Variants in SLC6A6 observed in about 807,000 individuals in gnomAD.
SLC6A6 encodes the protein solute carrier family 6 member 6.
SLC6A6 carries 16 observed loss-of-function variants against 68.8 expected under a neutral mutation model. The observed-to-expected ratio is 0.23, with a 90% CI of 0.16 to 0.35. SLC6A6 has a LOEUF of 0.35. SLC6A6 is among the 10% of genes least tolerant of loss of function. SLC6A6 has a pLI of 1.00. For missense variants in SLC6A6, 474 were observed against 802.8 expected, an observed-to-expected ratio of 0.59 and a Z score of 4.95; for synonymous variants, 312 against 315.4, an observed-to-expected ratio of 0.99 and a Z score of 0.12.
intron 1 of SLC6A6, among the ~76,000 whole-genome samples, chr3:14,408,449 C>T (rs1699159225): frequency 1.3e-5 from 2 of 151,982 alleles, no homozygotes. Context: ...ATTCTCCTGC[C>T]TCAGCCTTCT....
chr3:14,434,250 G>T (rs1303437214), intron 2 of SLC6A6, among the ~76,000 whole-genome samples: 1 of 152,168 alleles, frequency 6.6e-6, no homozygotes, highest in Non-Finnish European at 1.5e-5. Flanking sequence ...TCCATCATCC[G>T]GGCTGGTGAG....
Position 14,472,206 on chromosome 3 carries a change from TCCTGG to T in SLC6A6, c.1107_1111del (p.Ala370HisfsTer31). 6.2e-7 allele frequency: 1 copy of T among 1,603,164 alleles called. No homozygotes were observed. The highest frequency in any genetic ancestry group is 8.5e-7 in the Non-Finnish European group (1 of 1,170,060). On this transcript the variant is annotated frameshift_variant and splice_region_variant, in exon 10 of 15. Transcript: ENST00000622186. LOFTEE classifies it high-confidence loss of function. This position sits in a 1 kb window ranked among gnomAD's most constrained non-coding sequence, Gnocchi z 4.5. ...CTCCCCGTTTTCTTTCCTTTCTAGGTCCTGGCCTGGCCTTCATTGCCTACCCAAAA... is the reference window on the plus strand; with the variant it reads ...CTCCCCGTTTTCTTTCCTTTCTAGGTCCTGGCCTTCATTGCCTACCCAAAA...
intron 2 of SLC6A6, among the ~76,000 whole-genome samples, chr3:14,442,159 C>T (rs1235604788): frequency 2.6e-5 from 4 of 152,286 alleles, no homozygotes; most frequent in South Asian, 4.1e-4. Flanking sequence ...AGTCAGCAAT[C>T]GCCATGAGGA....
In SLC6A6 at chr3:14,481,590, T is replaced by C; in HGVS notation, c.1552-81T>C. 1 of 925,908 alleles carries C rather than the reference T, an allele frequency of 1.1e-6. No individual in the cohort carries two copies. The allele number at this position is 925,908 out of a possible 1,614,324, so 57.4% of individuals were successfully genotyped here. A position where few individuals can be genotyped will look rare whatever the true frequency, so the allele number is the denominator to read the frequency against. ...CAAGGAGAGAGACCCTTCCCTCAGG[T>C]TGAGGCCAGTCCTAGTCCCAGAAGC... On this transcript the variant is annotated intron_variant, in intron 13 of 14. Transcript: ENST00000622186. The surrounding 1 kb of genome is among the most constrained non-coding windows in gnomAD (Gnocchi z 4.7).
chr3:14,425,900 G>C (rs1316294517), intron 2 of SLC6A6, among the ~76,000 whole-genome samples: 2 of 152,174 alleles, frequency 1.3e-5, no homozygotes, highest in Non-Finnish European at 2.9e-5. Context: ...GGGGTCAGTA[G>C]TTAGTAATCA....
At chr3:14,430,661 G>A (rs1329834307) in intron 2 of SLC6A6, among the ~76,000 whole-genome samples, 1 of 152,208 alleles carries the variant, frequency 6.6e-6, no homozygotes, top group Non-Finnish European at 1.5e-5. Context: ...ACCAACAGTT[G>A]CCAACCTGAC....
intron 1 of SLC6A6, among the ~76,000 whole-genome samples, chr3:14,414,093 G>T (rs1386266986): frequency 6.6e-6 from 1 of 152,166 alleles, no homozygotes; most frequent in African/African-American, 2.4e-5. Flanking sequence ...CTGAGTCCAG[G>T]TGCTGAAAGA....
Position 14,485,316 on chromosome 3 carries a change from A to ATT in SLC6A6, c.*319_*320dup. 4 of 197,110 alleles carry ATT rather than the reference A, an allele frequency of 2.0e-5. No individual in the cohort carries two copies. Among genetic ancestry groups the ATT allele is most frequent in the Non-Finnish European group, 3.0e-5 (3 of 98,812 alleles). The allele number at this position is 197,110 out of a possible 1,614,324, so 12.2% of individuals were successfully genotyped here. ...GGGAATTTGGTAAATTTTTCTTTGTATTTTTTTTTTTACATATAAGTATAT... is the reference window on the plus strand; with the variant it reads ...GGGAATTTGGTAAATTTTTCTTTGTATTTTTTTTTTTTTACATATAAGTATAT... On this transcript the variant is annotated 3_prime_UTR_variant, in exon 15 of 15. Coordinates refer to ENST00000622186, the MANE Select transcript of SLC6A6 (RefSeq NM_003043.6).
intron 2 of SLC6A6, among the ~76,000 whole-genome samples, chr3:14,440,616 CA>C (rs1414216268): frequency 2.1e-4 from 32 of 152,226 alleles, no homozygotes; most frequent in Admixed American, 1.8e-3. Context: ...GAGAATAGAT[CA>C]GGGGCGGGCA....
intron 1 of SLC6A6, among the ~76,000 whole-genome samples, chr3:14,403,765 C>T (rs1197017078): frequency 3.3e-5 from 5 of 152,222 alleles, no homozygotes; most frequent in African/African-American, 4.8e-5. Flanking sequence ...AGATTCTCGT[C>T]CCCCTCCCAC....
chr3:14,429,221 C>G (rs536061175), intron 2 of SLC6A6, among the ~76,000 whole-genome samples: 3 of 152,318 alleles, frequency 2.0e-5, no homozygotes, highest in African/African-American at 7.2e-5. Context: ...TGTCCTGGGT[C>G]CACATCTGGG....
At chr3:14,422,143 C>T (rs1172495333) in intron 2 of SLC6A6, among the ~76,000 whole-genome samples, 1 of 152,134 alleles carries the variant, frequency 6.6e-6, no homozygotes, top group Admixed American at 6.5e-5. Flanking sequence ...ACCTCCTGGA[C>T]TTAAAAAGCA....
Position 14,450,013 on chromosome 3 carries a change from G to A in SLC6A6, c.599+2197G>A, listed in dbSNP as rs548888389. On this transcript the variant is annotated intron_variant, in intron 5 of 14. Transcript: ENST00000622186. The surrounding 1 kb of genome is among the most constrained non-coding windows in gnomAD (Gnocchi z 4.1). The stretch of plus-strand genomic sequence containing the variant: ...GATCTGCCTGCCTCAGCCTCCCAAA[G>A]TGCTGGGATTACAGGCGTGAGCCAC... 6.6e-6 allele frequency among the ~76,000 whole-genome samples: 1 copy of A among 152,256 alleles called. No homozygotes were observed. Among genetic ancestry groups the A allele is most frequent in the South Asian group, 2.1e-4 (1 of 4,822 alleles).
intron 6 of SLC6A6, among the ~76,000 whole-genome samples, chr3:14,464,039 A>T (rs1700557786): frequency 6.6e-6 from 1 of 152,196 alleles, no homozygotes; most frequent in Non-Finnish European, 1.5e-5. Context: ...GTGGCTCCCC[A>T]GCTGACCCAC....
intron 1 of SLC6A6, among the ~76,000 whole-genome samples, chr3:14,414,101 A>G (rs893505867): frequency 6.6e-6 from 1 of 152,184 alleles, no homozygotes; most frequent in Non-Finnish European, 1.5e-5. Context: ...AGGTGCTGAA[A>G]GATGTCATCG....
chr3:14,427,022 C>T (rs945493136), intron 2 of SLC6A6, among the ~76,000 whole-genome samples: 2 of 149,854 alleles, frequency 1.3e-5, no homozygotes, highest in Admixed American at 6.6e-5. Flanking sequence ...CACAGCCTCC[C>T]AGCACCCTGC....
At position 14,458,112 on chromosome 3, in the gene SLC6A6, T is replaced by C. The variant is rs554207043; in HGVS notation, c.732+30T>C. On this transcript the variant is annotated intron_variant, in intron 6 of 14. Transcript: ENST00000622186. ...GTTGGACTTCTGTCCGTCCCCTGCC[T>C]CCTGGAGAGCTGTGCCAGGCTGGCC... The C allele has an allele frequency of 1.2e-4, 189 of 1,608,402 alleles. 1 individual carries two copies. The South Asian group carries it at 2.0e-3, about 17-fold the overall frequency.
chr3:14,439,017 A>G (rs1699923207), intron 2 of SLC6A6, among the ~76,000 whole-genome samples: 1 of 152,218 alleles, frequency 6.6e-6, no homozygotes, highest in African/African-American at 2.4e-5. Context: ...CAGCATCTGC[A>G]ACTCAACTCA....
chr3:14,457,208 G>C (rs1490566840), intron 5 of SLC6A6, among the ~76,000 whole-genome samples: 2 of 152,174 alleles, frequency 1.3e-5, no homozygotes, highest in Non-Finnish European at 2.9e-5. Context: ...TCCTGGGCAG[G>C]GTTGGTGACT....
Sources: gnomAD v4.1 joint callset for allele counts (sites outside exome capture counted in the v4.1 genomes callset) on GRCh38, gnomAD v4.1.1 for gene constraint, Gnocchi (gnomAD v3.1) non-coding constraint, MANE v1.5 for transcripts, NCBI Gene and HGNC (gene_info 2026-07-23, HGNC 2026-07-21) for gene names.